TSNAXIP1: variants seen among roughly 807,000 people sequenced by gnomAD.
TSNAXIP1 encodes translin associated factor X interacting protein 1, also known as translin-associated factor X-interacting protein 1.
Under a neutral mutation model 84.8 loss-of-function variants are expected in TSNAXIP1, and 89 were observed. That is an observed-to-expected ratio of 1.05 (90% CI 0.88 to 1.25). The LOEUF is 1.25. Ranked by LOEUF, TSNAXIP1 falls within the 50% of genes most tolerant of loss-of-function variation. The pLI, the probability that TSNAXIP1 is intolerant of heterozygous loss-of-function variation, is 0.00. For synonymous variants in TSNAXIP1, 347 were observed against 335.2 expected, an observed-to-expected ratio of 1.04 and a Z score of -0.39; for missense variants, 874 against 887.6, an observed-to-expected ratio of 0.98 and a Z score of 0.20.
chr16:67,824,459 A>G, intron 5 of TSNAXIP1, 124 bp from the exon 6 acceptor site: 1 of 899,820 alleles, frequency 1.1e-6, no homozygotes, highest in South Asian at 1.7e-5. Context: ...ATGGCTTTGA[A>G]CAAGGCATGC....
chr16:67,827,451 C>G (rs201693864), intron 14 of TSNAXIP1, 22 bp from the exon 15 acceptor site: 8 of 1,614,130 alleles, frequency 5.0e-6, no homozygotes, highest in Non-Finnish European at 5.9e-6. Context: ...GTGCCCTCCC[C>G]CTGACTTGTG....
In TSNAXIP1 at chr16:67,827,798, C is replaced by T. The variant is rs768753272; in HGVS notation, c.1944C>T (p.Thr648=). The T allele has an allele frequency of 1.2e-6, 2 of 1,614,102 alleles. No homozygotes were observed. Among genetic ancestry groups the T allele is most frequent in the South Asian group, 2.2e-5 (2 of 91,078 alleles). The change falls in exon 16 of 16, where the codon ACC becomes ACT. Residue 648 remains threonine (T), a synonymous_variant. Coordinates refer to ENST00000561639, the MANE Select transcript of TSNAXIP1 (RefSeq NM_001288990.3). The part of the protein sequence containing the change: ...TLPKLRGGLM[T]IDPSLDKQTV... ...CCAAGCTGCGAGGGGGCCTGATGAC[C>T]ATCGACCCCAGCCTGGACAAGCAGA...
rs185845256 is a variant in TSNAXIP1, at chr16:67,808,703, C to G, written c.47+1507C>G. Among the ~76,000 whole-genome samples the G allele has an allele frequency of 5.0e-3, 764 of 152,028 alleles. 7 individuals are homozygous for G. The highest frequency in any genetic ancestry group is 0.017 in the African/African-American group (724 of 41,478). ...GAGGTTGCAGTGAGCCAAGATCACG[C>G]CACTGCACTCTAGCCTGGGCGACAG... On this transcript the variant is annotated intron_variant, in intron 1 of 15. Coordinates refer to ENST00000561639, the MANE Select transcript of TSNAXIP1 (RefSeq NM_001288990.3).
At chr16:67,810,414 T>C (rs2055946008) in intron 1 of TSNAXIP1, among the ~76,000 whole-genome samples, 2 of 151,688 alleles carry the variant, frequency 1.3e-5, no homozygotes, top group African/African-American at 4.8e-5. Context: ...AGGTCAGGAG[T>C]TCGAGACCAG....
At chr16:67,826,387 G>A in intron 10 of TSNAXIP1, 50 bp from the exon 11 acceptor site, 1 of 1,609,718 alleles carries the variant, frequency 6.2e-7, no homozygotes, top group South Asian at 1.1e-5. Context: ...CCCTGATTGG[G>A]GGTGGGGCCA....
At chr16:67,819,644 TC>T (rs1203980164) in intron 2 of TSNAXIP1, among the ~76,000 whole-genome samples, 1 of 147,526 alleles carries the variant, frequency 6.8e-6, no homozygotes, top group Admixed American at 6.8e-5. Context: ...ATGCTTTCCC[TC>T]TTTTTTTTTT....
rs1300953252 is a variant in TSNAXIP1, at chr16:67,825,064, C to T, written c.679-73C>T. The T allele has an allele frequency of 4.5e-6, 7 of 1,565,456 alleles. No homozygotes were observed. The Admixed American group carries it at 1.3e-4, about 29-fold the overall frequency. ...TGATGGGGCCCCCCAGAACCCAGCC[C>T]ACTCCCTGGGGTGACCAGCTGCATA... On this transcript the variant is annotated intron_variant, in intron 6 of 15. Transcript: ENST00000561639.
In TSNAXIP1 at chr16:67,827,926, C is replaced by CA. The variant is rs777978181; in HGVS notation, c.2072_2073insA (p.Leu692ProfsTer8). 5.6e-6 allele frequency: 9 copies of CA among 1,613,904 alleles called. 1 individual carries two copies. In the South Asian group the frequency reaches 6.6e-5, roughly 12 times the overall value. On this transcript the variant is annotated frameshift_variant, in exon 16 of 16. Transcript: ENST00000561639. LOFTEE classifies it high-confidence loss of function. The stretch of plus-strand genomic sequence containing the variant: ...GCCGTGGTGGAAATCCTCCAGACTG[C>CA]CCTGGAGCGGCTTCAGGTGATTGAC...
intron 6 of TSNAXIP1, 134 bp downstream of exon 6, chr16:67,824,913 C>T: frequency 8.8e-7 from 1 of 1,133,020 alleles, no homozygotes; most frequent in Non-Finnish European, 1.3e-6. Context: ...CAGAGCCTTG[C>T]TAACTCCACC....
chr16:67,827,235 T>G lies in TSNAXIP1; in HGVS notation c.1665-14T>G. ...CTCAGCAGGTCCCTGTTGGCCCTCATGTCTCCCCTACAGCACTGTCCTCAA... is the reference window on the plus strand; with the variant it reads ...CTCAGCAGGTCCCTGTTGGCCCTCAGGTCTCCCCTACAGCACTGTCCTCAA... On this transcript the variant is annotated splice_polypyrimidine_tract_variant and intron_variant, in intron 13 of 15. Transcript: ENST00000561639. 1 of 1,614,002 alleles carries G rather than the reference T, an allele frequency of 6.2e-7. No homozygotes were observed. Among genetic ancestry groups the G allele is most frequent in the South Asian group, 1.1e-5 (1 of 91,082 alleles).
At position 67,826,689 on chromosome 16, in the gene TSNAXIP1, CAGAA is replaced by C. The variant is rs1371027883; in HGVS notation, c.1403_1406del (p.Lys468ArgfsTer40). 3.1e-6 allele frequency: 5 copies of C among 1,613,016 alleles called. No individual in the cohort carries two copies. In the Admixed American group the frequency reaches 5.0e-5, roughly 16 times the overall value. On this transcript the variant is annotated splice_acceptor_variant and coding_sequence_variant, in exon 12 of 16. Coordinates refer to ENST00000561639, the MANE Select transcript of TSNAXIP1 (RefSeq NM_001288990.3). LOFTEE classifies it high-confidence loss of function. ...CTGACTGAGCATTTCCTCGATCCCG[CAGAA>C]AGAGACGTTCCCAGATTTCTTCTTC...
rs1240624084 is a variant in TSNAXIP1 at position 67,826,724 on chromosome 16, C to T, written c.1434C>T (p.Phe478=). Residue 478 remains phenylalanine (F), a synonymous_variant, in exon 12 of 16, where the codon TTC becomes TTT. Coordinates refer to ENST00000561639, the MANE Select transcript of TSNAXIP1 (RefSeq NM_001288990.3). The part of the protein sequence containing the change: ...KETFPDFFFN[F]LEHRFGPSDA... ...CGTTCCCAGATTTCTTCTTCAATTT[C>T]CTGGAGCATCGCTTTGGGCCCAGTG... 1 of 1,613,912 alleles carries T rather than the reference C, an allele frequency of 6.2e-7. No homozygotes were observed. Among genetic ancestry groups the T allele is most frequent in the East Asian group, 2.2e-5 (1 of 44,878 alleles).
rs1567785422 is a variant in TSNAXIP1, at chr16:67,827,819, G to A, written c.1965G>A (p.Lys655=). 1 of 1,613,760 alleles carries A rather than the reference G, an allele frequency of 6.2e-7. No homozygotes were observed. Among genetic ancestry groups the A allele is most frequent in the Admixed American group, 1.7e-5 (1 of 60,010 alleles). The part of the protein sequence containing the change: ...GLMTIDPSLD[K]QTVNTYMSQA... ...TGACCATCGACCCCAGCCTGGACAA[G>A]CAGACAGTGAACACCTACATGAGCC... The change falls in exon 16 of 16, where the codon AAG becomes AAA. Residue 655 remains lysine, a synonymous_variant. Transcript: ENST00000561639.
At chr16:67,817,786 T>C (rs2056706724) in intron 2 of TSNAXIP1, among the ~76,000 whole-genome samples, 1 of 151,608 alleles carries the variant, frequency 6.6e-6, no homozygotes, top group African/African-American at 2.4e-5. Context: ...TTCGGGAGGC[T>C]GAGGCAGGAG....
chr16:67,823,770 C>A, intron 5 of TSNAXIP1, 51 bp downstream of exon 5: 1 of 1,524,894 alleles, frequency 6.6e-7, no homozygotes, highest in Non-Finnish European at 9.1e-7. Context: ...GTAATCCCAG[C>A]ACTTTAGGAG....
intron 2 of TSNAXIP1, among the ~76,000 whole-genome samples, chr16:67,816,024 A>G (rs2056521968): frequency 7.2e-6 from 1 of 139,710 alleles, no homozygotes; most frequent in South Asian, 2.2e-4. Context: ...GCTGGAGTGC[A>G]GTGACGCAAT....
chr16:67,825,172 C>A lies in TSNAXIP1; in HGVS notation c.714C>A (p.Tyr238Ter). The A allele has an allele frequency of 1.2e-6, 2 of 1,614,122 alleles. No homozygotes were observed. The highest frequency in any genetic ancestry group is 1.7e-4 in the Middle Eastern group (1 of 6,032). ...TGAGGAAGAACTTGGCTGAGGAGTA[C>A]CTGCACTACCTCAGTGAGCGAGATG... ...TKLRKNLAEE[Y>*]LHYLSERDAC... The change falls in exon 7 of 16, where the codon TAC (tyrosine) becomes TAA (stop). Residue 238 changes from tyrosine to a stop codon, truncating the protein, a stop_gained. Transcript: ENST00000561639. LOFTEE classifies it high-confidence loss of function.
intron 6 of TSNAXIP1, 58 bp from the exon 7 acceptor site, chr16:67,825,079 C>G: frequency 6.3e-7 from 1 of 1,590,868 alleles, no homozygotes; most frequent in East Asian, 2.2e-5. Context: ...CCTGGGGTGA[C>G]CAGCTGCATA....
chr16:67,825,067 T>A (rs1216734339), intron 6 of TSNAXIP1, 70 bp from the exon 7 acceptor site: 2 of 1,578,218 alleles, frequency 1.3e-6, no homozygotes. Context: ...CCCAGCCCAC[T>A]CCCTGGGGTG....
Sources: allele counts gnomAD v4.1 joint callset (sites outside exome capture counted in the v4.1 genomes callset), GRCh38; gene constraint gnomAD v4.1.1; transcripts MANE v1.5; gene names NCBI Gene and HGNC (gene_info 2026-07-23, HGNC 2026-07-21).